Variants in SMYD2 observed in about 807,000 individuals in gnomAD.
SMYD2 encodes the protein SET and MYND domain containing 2.
SMYD2 carries 53 observed loss-of-function variants against 59.1 expected under a neutral mutation model. The observed-to-expected ratio is 0.90, with a 90% CI of 0.72 to 1.13. The LOEUF (loss-of-function observed/expected upper bound fraction) is 1.13. Among genes scored for constraint, SMYD2 ranks in the 50% most tolerant of loss-of-function variants. The pLI is 0.00. For synonymous variants in SMYD2, 208 were observed against 198.8 expected, an observed-to-expected ratio of 1.05 and a Z score of -0.39; for missense variants, 494 against 544.7, an observed-to-expected ratio of 0.91 and a Z score of 0.93.
At chr1:214,327,820 G>A in intron 7 of SMYD2, 96 bp downstream of exon 7, 1 of 1,072,302 alleles carries the variant, frequency 9.3e-7, no homozygotes, top group Non-Finnish European at 1.4e-6. Context: ...TTGACAGTAT[G>A]AGTTGTGAAT....
intron 11 of SMYD2, 139 bp downstream of exon 11, chr1:214,334,447 C>T (rs1326433194): frequency 9.3e-6 from 7 of 753,158 alleles, no homozygotes; most frequent in Non-Finnish European, 1.3e-5. Context: ...GTGGGAGCAG[C>T]GGGGGTGGGT....
chr1:214,327,209 G>T (rs77845898), intron 6 of SMYD2, among the ~76,000 whole-genome samples: 1 of 152,182 alleles, frequency 6.6e-6, no homozygotes, highest in Non-Finnish European at 1.5e-5. Context: ...TGAAAAAAAC[G>T]TGAGAAATAA....
chr1:214,324,267 A>G (rs1334814178), intron 5 of SMYD2, among the ~76,000 whole-genome samples: 1 of 152,178 alleles, frequency 6.6e-6, no homozygotes, highest in Non-Finnish European at 1.5e-5. Context: ...AGACACAGTG[A>G]TTCAGTGATA....
chr1:214,319,692 C>T (rs1019392968), intron 5 of SMYD2, among the ~76,000 whole-genome samples: 6 of 151,824 alleles, frequency 4.0e-5, no homozygotes, highest in East Asian at 1.9e-4. Flanking sequence ...TTCCTGTTAT[C>T]GTGAGGGTGG....
chr1:214,323,244 CTGTT>C (rs1357082317), intron 5 of SMYD2, among the ~76,000 whole-genome samples: 3 of 152,048 alleles, frequency 2.0e-5, no homozygotes, highest in Non-Finnish European at 4.4e-5. Flanking sequence ...AATTTTCAGC[CTGTT>C]TGTCTTTCTG....
At chr1:214,305,800 G>C (rs538359377) in intron 2 of SMYD2, among the ~76,000 whole-genome samples, 15 of 152,268 alleles carry the variant, frequency 9.9e-5, no homozygotes, top group African/African-American at 3.1e-4. Flanking sequence ...AGTCTCAAAT[G>C]AATCCTGAAA....
At position 214,330,147 on chromosome 1, in the gene SMYD2, TTA is replaced by T. The variant is rs1353577566; in HGVS notation, c.706-19_706-18del. The T allele has an allele frequency of 2.6e-6, 4 of 1,536,342 alleles. No individual in the cohort carries two copies. Among genetic ancestry groups the T allele is most frequent in the Non-Finnish European group, 3.6e-6 (4 of 1,116,710 alleles). On this transcript the variant is annotated intron_variant, in intron 7 of 11. Coordinates refer to ENST00000366957, the MANE Select transcript of SMYD2 (RefSeq NM_020197.3). ...AGTTTACCTGTAGCAGACTGAAGCTTTATCTTTTTGGACCCCGTAGGTTTTTA... is the reference window on the plus strand; with the variant it reads ...AGTTTACCTGTAGCAGACTGAAGCTTTCTTTTTGGACCCCGTAGGTTTTTA...
At position 214,281,285 on chromosome 1, in the gene SMYD2, CG is replaced by C; in HGVS notation, c.32del (p.Arg11ProfsTer96). MRAEGLGGLE[R>X]FCSPGKGRGL... ...GGCCGAGGGCCTCGGCGGCCTGGAG[CG>C]CTTCTGCAGCCCGGGCAAAGGCCGG... is the stretch of plus-strand genomic sequence containing the variant. On this transcript the variant is annotated frameshift_variant, in exon 1 of 12. Coordinates refer to ENST00000366957, the MANE Select transcript of SMYD2 (RefSeq NM_020197.3). LOFTEE classifies it high-confidence loss of function. 1 of 1,326,042 alleles carries C rather than the reference CG, an allele frequency of 7.5e-7. No individual in the cohort carries two copies. The highest frequency in any genetic ancestry group is 1.5e-5 in the African/African-American group (1 of 65,430). 82.1% of individuals were successfully genotyped at this position (1,326,042 alleles called of 1,614,324 possible).
At chr1:214,281,805 G>T (rs1656454760) in intron 1 of SMYD2, among the ~76,000 whole-genome samples, 1 of 152,246 alleles carries the variant, frequency 6.6e-6, no homozygotes, top group Non-Finnish European at 1.5e-5. Flanking sequence ...CCCAAATTTG[G>T]GCAGCCACGG....
Position 214,336,891 on chromosome 1 carries a change from G to T in SMYD2, c.*107G>T, listed in dbSNP as rs770118538. 1.0e-6 allele frequency: 1 copy of T among 993,154 alleles called. No homozygotes were observed. The highest frequency in any genetic ancestry group is 1.5e-6 in the Non-Finnish European group (1 of 688,492). 61.5% of individuals were successfully genotyped at this position (993,154 alleles called of 1,614,324 possible). A position where few individuals can be genotyped will look rare whatever the true frequency, so the allele number is the denominator to read the frequency against. ...ACTCCAGCATCTCTGTAAAATAATT[G>T]GAATGAAAATACTTCTTGCACTTAA... On this transcript the variant is annotated 3_prime_UTR_variant, in exon 12 of 12. Coordinates refer to ENST00000366957, the MANE Select transcript of SMYD2 (RefSeq NM_020197.3).
intron 7 of SMYD2, 55 bp from the exon 8 acceptor site, chr1:214,330,113 C>T (rs758611522): frequency 1.0e-5 from 13 of 1,241,686 alleles, no homozygotes; most frequent in Middle Eastern, 1.9e-4. Flanking sequence ...ACGGGAATGA[C>T]AAGGATTGAG....
rs1227852809 is a variant in SMYD2, at chr1:214,336,889, T to C, written c.*105T>C. 7 of 1,013,124 alleles carry C rather than the reference T, an allele frequency of 6.9e-6. No homozygotes were observed. Among genetic ancestry groups the C allele is most frequent in the African/African-American group, 1.6e-5 (1 of 60,968 alleles). The allele number at this position is 1,013,124 out of a possible 1,614,324, so 62.8% of individuals were successfully genotyped here. ...TCACTCCAGCATCTCTGTAAAATAA[T>C]TGGAATGAAAATACTTCTTGCACTT... is the stretch of plus-strand genomic sequence containing the variant. On this transcript the variant is annotated 3_prime_UTR_variant, in exon 12 of 12. Coordinates refer to ENST00000366957, the MANE Select transcript of SMYD2 (RefSeq NM_020197.3).
At chr1:214,316,507 A>C (rs546008875) in intron 3 of SMYD2, among the ~76,000 whole-genome samples, 34 of 151,774 alleles carry the variant, frequency 2.2e-4, no homozygotes, top group Admixed American at 1.1e-3. Context: ...AAAAAAAAAA[A>C]CAAACTGAAA....
At chr1:214,324,571 A>G in intron 5 of SMYD2, 70 bp from the exon 6 acceptor site, 1 of 1,355,048 alleles carries the variant, frequency 7.4e-7, no homozygotes, top group South Asian at 1.3e-5. Context: ...GTCAAAATTT[A>G]AAAAAATGAT....
intron 3 of SMYD2, 148 bp from the exon 4 acceptor site, chr1:214,317,931 G>T (rs968093742): frequency 1.3e-5 from 10 of 755,584 alleles, no homozygotes; most frequent in Non-Finnish European, 2.3e-5. Context: ...CTGGTGGAGA[G>T]CCCTAGTGGT....
chr1:214,313,440 C>T (rs1050174403), intron 2 of SMYD2, among the ~76,000 whole-genome samples: 16 of 151,926 alleles, frequency 1.1e-4, no homozygotes, highest in Non-Finnish European at 2.4e-4. Context: ...AGGACAGTAC[C>T]CAATTCCATC....
chr1:214,336,415 C>T (rs991567958), intron 11 of SMYD2, among the ~76,000 whole-genome samples: 2 of 152,108 alleles, frequency 1.3e-5, no homozygotes, highest in Non-Finnish European at 2.9e-5. Context: ...GCCTGTGGTC[C>T]CAGCTACTCG....
chr1:214,281,221 C>T lies in SMYD2; in HGVS notation c.-34C>T. 32 of 1,223,502 alleles carry T rather than the reference C, an allele frequency of 2.6e-5. No individual in the cohort carries two copies. The highest frequency in any genetic ancestry group is 3.3e-5 in the Non-Finnish European group (32 of 977,962). The allele number at this position is 1,223,502 out of a possible 1,614,324, so 75.8% of individuals were successfully genotyped here. The stretch of plus-strand genomic sequence containing the variant: ...TAACAGCTCGCCGGGAGCCGCAGCT[C>T]GGGCACAGCCGGCGGCCGCGCCCCG... On this transcript the variant is annotated 5_prime_UTR_variant, in exon 1 of 12. Coordinates refer to ENST00000366957, the MANE Select transcript of SMYD2 (RefSeq NM_020197.3).
At chr1:214,294,526 G>T (rs1656692552) in intron 1 of SMYD2, among the ~76,000 whole-genome samples, 1 of 152,170 alleles carries the variant, frequency 6.6e-6, no homozygotes, top group Non-Finnish European at 1.5e-5. Context: ...AAATTAGCTG[G>T]GCGTGGTGGT....
Sources: gnomAD v4.1 joint callset for allele counts (sites outside exome capture counted in the v4.1 genomes callset) on GRCh38, gnomAD v4.1.1 for gene constraint, MANE v1.5 for transcripts, NCBI Gene and HGNC (gene_info 2026-07-23, HGNC 2026-07-21) for gene names.